ACADSB: variants seen among roughly 807,000 people sequenced by gnomAD.
ACADSB encodes acyl-CoA dehydrogenase short/branched chain, also known as short/branched chain specific acyl-CoA dehydrogenase, mitochondrial.
Under a neutral mutation model 54.1 loss-of-function variants are expected in ACADSB, and 40 were observed. The ratio of observed to expected loss-of-function variants is 0.74; its 90% CI spans 0.57 to 0.96. The LOEUF is 0.96. Among genes scored for constraint, ACADSB ranks in the 40% least tolerant of loss-of-function variants. The pLI is 0.00. For missense variants in ACADSB, 530 were observed against 510.4 expected (o/e 1.04, Z -0.37); for synonymous variants, 182 against 182.8 (o/e 1.00, Z 0.03).
chr10:123,016,255 G>A (rs1850107729), intron 1 of ACADSB, among the ~76,000 whole-genome samples: 1 of 152,226 alleles, frequency 6.6e-6, no homozygotes, highest in African/African-American at 2.4e-5. Context: ...AAATTGGGCA[G>A]CCCCCAGAAC....
Position 123,011,100 on chromosome 10 carries a change from C to T in ACADSB, c.42+2029C>T, listed in dbSNP as rs903848690. ...TCAAGAGCTTTGGAGTTTCCTCATGCCACAGTGTAGGTAGATGGCTGTGGA... is the reference window on the plus strand; with the variant it reads ...TCAAGAGCTTTGGAGTTTCCTCATGTCACAGTGTAGGTAGATGGCTGTGGA... On this transcript the variant is annotated intron_variant, in intron 1 of 10. Transcript: ENST00000358776. Among the ~76,000 whole-genome samples, 6 of 152,242 alleles carry T rather than the reference C, an allele frequency of 3.9e-5. No individual in the cohort carries two copies. In the South Asian group the frequency reaches 8.3e-4, roughly 21 times the overall value.
chr10:123,043,596 G>T lies in ACADSB; in HGVS notation c.807+425G>T, dbSNP rs1288252998. Reference sequence around the variant, plus strand: ...ACGTGAGCAGCAGAAGATCCAGATAGTTAGTGCTGATGCTGGAGAACTCCC... The same window carrying T: ...ACGTGAGCAGCAGAAGATCCAGATATTTAGTGCTGATGCTGGAGAACTCCC... On this transcript the variant is annotated intron_variant, in intron 6 of 10. Coordinates refer to ENST00000358776, the MANE Select transcript of ACADSB (RefSeq NM_001609.4). Among the ~76,000 whole-genome samples the T allele has an allele frequency of 2.0e-5, 3 of 152,088 alleles. No homozygotes were observed. In the South Asian group the frequency reaches 6.2e-4, roughly 32 times the overall value.
At chr10:123,028,007 T>C (rs1156259457) in intron 1 of ACADSB, among the ~76,000 whole-genome samples, 2 of 152,174 alleles carry the variant, frequency 1.3e-5, no homozygotes, top group East Asian at 1.9e-4. Context: ...CTTCTTATAA[T>C]AATTAAGTCC....
intron 9 of ACADSB, 149 bp downstream of exon 9, chr10:123,051,335 T>C: frequency 8.8e-7 from 1 of 1,131,724 alleles, no homozygotes; most frequent in Non-Finnish European, 1.2e-6. Flanking sequence ...TTTCTTATAA[T>C]AGAAAAGCAA....
At chr10:123,022,249 CA>C (rs1363562393) in intron 1 of ACADSB, among the ~76,000 whole-genome samples, 1 of 152,144 alleles carries the variant, frequency 6.6e-6, no homozygotes, top group East Asian at 1.9e-4. Context: ...ATATTTGAAA[CA>C]GTTCATGGAG....
Position 123,040,680 on chromosome 10 carries a change from G to T in ACADSB, c.510+8G>T. The T allele has an allele frequency of 1.2e-6, 2 of 1,605,424 alleles. No individual in the cohort carries two copies. The highest frequency in any genetic ancestry group is 1.1e-5 in the South Asian group (1 of 90,854). On this transcript the variant is annotated splice_region_variant and intron_variant, in intron 4 of 10. Transcript: ENST00000358776. Reference sequence around the variant, plus strand: ...CAGCTCACTACAGAAAAAGTGAGTTGAGATGAATTGTTGATCTAATGGATC... The same window carrying T: ...CAGCTCACTACAGAAAAAGTGAGTTTAGATGAATTGTTGATCTAATGGATC...
At position 123,040,614 on chromosome 10, in the gene ACADSB, G is replaced by A. The variant is rs140747102; in HGVS notation, c.452G>A (p.Arg151Lys). 301 of 1,614,054 alleles carry A rather than the reference G, an allele frequency of 1.9e-4. 2 individuals are homozygous for A. The African/African-American group carries it at 3.1e-3, about 17-fold the overall frequency. ...AACACATTAATTAACACACTGATTAGAAAACATGGAACAGAAGAACAAAAG... is the reference window on the plus strand; with the variant it reads ...AACACATTAATTAACACACTGATTAAAAAACATGGAACAGAAGAACAAAAG... ...IQNTLINTLI[R>K]KHGTEEQKAT... is the part of the protein sequence containing the mutation. The change falls in exon 4 of 11, where the codon AGA (arginine) becomes AAA (lysine). Residue 151 changes from arginine (R) to lysine (K), a missense_variant. Physicochemically the swap from Arg to Lys is conservative, Grantham distance 26. Coordinates refer to ENST00000358776, the MANE Select transcript of ACADSB (RefSeq NM_001609.4).
intron 8 of ACADSB, among the ~76,000 whole-genome samples, chr10:123,049,507 A>G (rs1333884177): frequency 3.9e-5 from 6 of 152,206 alleles, no homozygotes; most frequent in African/African-American, 1.2e-4. Context: ...AGTTTAATTG[A>G]ACTGAATGTA....
At position 123,052,203 on chromosome 10, in the gene ACADSB, C is replaced by T. The variant is rs757724750; in HGVS notation, c.1129-858C>T. ...CCAAAAAGTCGGGGACCTAAAACAA[C>T]GCAGTTTCATTTTCTGTCACTTCTA... On this transcript the variant is annotated intron_variant, in intron 9 of 10. Transcript: ENST00000358776. The surrounding 1 kb of genome is among the most constrained non-coding windows in gnomAD (Gnocchi z 4.2). 1.6e-4 allele frequency among the ~76,000 whole-genome samples: 24 copies of T among 152,326 alleles called. No homozygotes were observed. Among genetic ancestry groups the T allele is most frequent in the South Asian group, 2.1e-4 (1 of 4,830 alleles).
intron 5 of ACADSB, among the ~76,000 whole-genome samples, chr10:123,042,123 G>A (rs537460365): frequency 9.9e-5 from 15 of 152,008 alleles, no homozygotes; most frequent in Non-Finnish European, 1.6e-4. Flanking sequence ...GCACCACCAC[G>A]CACAGCTAAT....
intron 8 of ACADSB, among the ~76,000 whole-genome samples, chr10:123,049,801 T>C (rs1409178536): frequency 6.6e-6 from 1 of 152,180 alleles, no homozygotes; most frequent in Non-Finnish European, 1.5e-5. Context: ...AAGCAAAACT[T>C]TAAAGATTTT....
At chr10:123,035,165 T>C (rs112865701) in intron 2 of ACADSB, among the ~76,000 whole-genome samples, 7,573 of 152,156 alleles carry the variant, frequency 0.05, 266 homozygotes, top group Non-Finnish European at 0.066. Context: ...ACCGTGTTAG[T>C]CAGGATGGTC....
intron 2 of ACADSB, among the ~76,000 whole-genome samples, chr10:123,035,709 C>T (rs1850389823): frequency 6.6e-6 from 1 of 152,144 alleles, no homozygotes; most frequent in Non-Finnish European, 1.5e-5. Context: ...CAGTTCTTTG[C>T]TGTTGCAGGG....
rs10571424 is a variant in ACADSB at position 123,051,188 on chromosome 10, T to TAAAA, written c.1128+23_1128+26dup. 158 of 1,017,840 alleles carry TAAAA rather than the reference T, an allele frequency of 1.6e-4. No individual in the cohort carries two copies. Among genetic ancestry groups the TAAAA allele is most frequent in the Middle Eastern group, 8.8e-4 (2 of 2,282 alleles). The allele number at this position is 1,017,840 out of a possible 1,614,324, so 63.1% of individuals were successfully genotyped here. Reference sequence around the variant, plus strand: ...ATGGCCAAATACTATGCATCAGAGGTAAAAAAAAAAAAAAAAAAAAAAAAG... The same window carrying TAAAA: ...ATGGCCAAATACTATGCATCAGAGGTAAAAAAAAAAAAAAAAAAAAAAAAAAAAG... On this transcript the variant is annotated splice_region_variant and intron_variant, in intron 9 of 10. Transcript: ENST00000358776.
At chr10:123,047,713 T>A (rs967982266) in intron 8 of ACADSB, among the ~76,000 whole-genome samples, 2 of 152,216 alleles carry the variant, frequency 1.3e-5, no homozygotes, top group Admixed American at 6.5e-5. Context: ...CTTACCCCGG[T>A]TTAAATGAGG....
intron 1 of ACADSB, among the ~76,000 whole-genome samples, chr10:123,028,170 GC>G (rs1429217184): frequency 1.3e-5 from 2 of 152,154 alleles, no homozygotes; most frequent in African/African-American, 2.4e-5. Context: ...GCCTGGGGAG[GC>G]TACACACTGA....
At chr10:123,027,842 G>A (rs1217075138) in intron 1 of ACADSB, among the ~76,000 whole-genome samples, 1 of 152,194 alleles carries the variant, frequency 6.6e-6, no homozygotes, top group African/African-American at 2.4e-5. Flanking sequence ...TGAGCTTGGG[G>A]CTGGATCAGG....
chr10:123,017,506 C>T (rs560582551), intron 1 of ACADSB, among the ~76,000 whole-genome samples: 3 of 152,142 alleles, frequency 2.0e-5, no homozygotes, highest in Non-Finnish European at 4.4e-5. Flanking sequence ...TTAGTAGAGA[C>T]AGGATTTTAC....
At chr10:123,016,047 C>T (rs892497568) in intron 1 of ACADSB, among the ~76,000 whole-genome samples, 9 of 152,086 alleles carry the variant, frequency 5.9e-5, no homozygotes, top group Non-Finnish European at 1.2e-4. Flanking sequence ...AAGATTGGGA[C>T]ATCTGGAGAA....
Sources: allele counts gnomAD v4.1 joint callset (sites outside exome capture counted in the v4.1 genomes callset), GRCh38; gene constraint gnomAD v4.1.1; non-coding constraint Gnocchi (gnomAD v3.1); transcripts MANE v1.5; gene names NCBI Gene and HGNC (gene_info 2026-07-23, HGNC 2026-07-21).